Variants in ZNF805 observed in about 807,000 individuals in gnomAD.
The protein encoded by ZNF805 is CTC-444N24.8.
ZNF805 carries 7 observed loss-of-function variants against 13.6 expected under a neutral mutation model. The observed-to-expected ratio is 0.51, with a 90% CI of 0.29 to 0.97. ZNF805 has a LOEUF of 0.97. ZNF805 is among the 50% of genes least tolerant of loss of function. ZNF805 has a pLI of 0.08. For missense variants in ZNF805, 604 were observed against 771.0 expected (o/e 0.78, Z 2.57); for synonymous variants, 293 against 279.8 (o/e 1.05, Z -0.47).
intron 1 of ZNF805, 135 bp downstream of exon 1, chr19:57,241,056 C>A: frequency 1.0e-6 from 1 of 987,612 alleles, no homozygotes; most frequent in Admixed American, 2.3e-5. Context: ...GCAGGCTCGT[C>A]ACTTAGTTTA....
Position 57,240,922 on chromosome 19 carries a change from G to C in ZNF805, c.30+1G>C. On this transcript the variant is annotated splice_donor_variant, in intron 1 of 3. Transcript: ENST00000414468. LOFTEE classifies it high-confidence loss of function. ...GATGGCTTTGACGGACCCGGCGCAG[G>C]TGAGTGGACAAGGTTTCGGCCTTGC... The C allele has an allele frequency of 6.4e-7, 1 of 1,560,054 alleles. No individual in the cohort carries two copies. Among genetic ancestry groups the C allele is most frequent in the South Asian group, 1.2e-5 (1 of 84,508 alleles).
At chr19:57,252,628 T>G (rs2087658531) in intron 3 of ZNF805, among the ~76,000 whole-genome samples, 1 of 152,170 alleles carries the variant, frequency 6.6e-6, no homozygotes, top group African/African-American at 2.4e-5. Context: ...ATCGAGACAT[T>G]GCCCACATTG....
In ZNF805 at chr19:57,253,170, A is replaced by T. The variant is rs367972180; in HGVS notation, c.351A>T (p.Ser117=). 6.0e-5 allele frequency: 94 copies of T among 1,557,304 alleles called. No individual in the cohort carries two copies. Among genetic ancestry groups the T allele is most frequent in the Non-Finnish European group, 7.9e-5 (91 of 1,151,600 alleles). The change falls in exon 4 of 4, where the codon TCA becomes TCT. Residue 117 remains serine (S), a synonymous_variant. Transcript: ENST00000414468. This position sits in a 1 kb window ranked among gnomAD's most constrained non-coding sequence, Gnocchi z 4.4. ...SFWGQLTQGA[S]GDSQLGQPKD... is the part of the protein sequence containing the mutation. ...GGGGACAACTAACACAAGGAGCTTC[A>T]GGGGACTCCCAGTTGGGGCAACCCA...
chr19:57,249,216 G>A (rs2087637084), intron 3 of ZNF805, among the ~76,000 whole-genome samples: 1 of 152,062 alleles, frequency 6.6e-6, no homozygotes, highest in Non-Finnish European at 1.5e-5. Flanking sequence ...AATAAGGAAA[G>A]TCATACCCAC....
rs957197335 is a variant in ZNF805 at position 57,240,642 on chromosome 19, A to T, written c.-250A>T. 6 of 496,494 alleles carry T rather than the reference A, an allele frequency of 1.2e-5. No individual in the cohort carries two copies. The highest frequency in any genetic ancestry group is 2.0e-5 in the African/African-American group (1 of 50,048). The allele number at this position is 496,494 out of a possible 1,614,324, so 30.8% of individuals were successfully genotyped here. A position where few individuals can be genotyped will look rare whatever the true frequency, so the allele number is the denominator to read the frequency against. On this transcript the variant is annotated 5_prime_UTR_variant, in exon 1 of 4. Coordinates refer to ENST00000414468, the MANE Select transcript of ZNF805 (RefSeq NM_001023563.4). Reference sequence around the variant, plus strand: ...TAATTTGGGAGCGACGGTTCCGTCCACGCCGGCTCTAGGGAGGGGGCGGTG... The same window carrying T: ...TAATTTGGGAGCGACGGTTCCGTCCTCGCCGGCTCTAGGGAGGGGGCGGTG...
intron 1 of ZNF805, 43 bp downstream of exon 1, chr19:57,240,964 C>G: frequency 6.5e-7 from 1 of 1,550,252 alleles, no homozygotes; most frequent in Non-Finnish European, 8.7e-7. Context: ...TCTGCTAGTT[C>G]GGGGAAGCCT....
In ZNF805 at chr19:57,262,363, AGT is replaced by A. The variant is rs1491058611; in HGVS notation, c.*7661_*7662del. The A allele has an allele frequency of 6.7e-3, 1,114 of 166,134 alleles. 6 individuals carry two copies. Among genetic ancestry groups the A allele is most frequent in the Admixed American group, 8.6e-3 (131 of 15,180 alleles). 10.3% of individuals were successfully genotyped at this position (166,134 alleles called of 1,614,324 possible). A position where few individuals can be genotyped will look rare whatever the true frequency, so the allele number is the denominator to read the frequency against. The stretch of plus-strand genomic sequence containing the variant: ...CATTGTAACCAAGAAAAAAAAAAAA[AGT>A]CAGAGTCACAGTGAAAATACTTAAC... On this transcript the variant is annotated 3_prime_UTR_variant, in exon 4 of 4. Transcript: ENST00000414468.
rs2087685050 is a variant in ZNF805 at position 57,255,978 on chromosome 19, A to G, written c.*1275A>G. Among the ~76,000 whole-genome samples, 1 of 152,108 alleles carries G rather than the reference A, an allele frequency of 6.6e-6. No individual in the cohort carries two copies. The highest frequency in any genetic ancestry group is 2.4e-5 in the African/African-American group (1 of 41,444). On this transcript the variant is annotated 3_prime_UTR_variant, in exon 4 of 4. Transcript: ENST00000414468. ...AAAGTTGCTTCCAAAGAGTTTCTCTATCGAGTTTAGAAAGTTTCCCTCTAT... is the reference window on the plus strand; with the variant it reads ...AAAGTTGCTTCCAAAGAGTTTCTCTGTCGAGTTTAGAAAGTTTCCCTCTAT...
chr19:57,248,018 C>T (rs1292469882), intron 2 of ZNF805, among the ~76,000 whole-genome samples: 1 of 152,122 alleles, frequency 6.6e-6, no homozygotes, highest in Non-Finnish European at 1.5e-5. Flanking sequence ...ACTAGCCTGG[C>T]CATCATAGTG....
At chr19:57,245,541 A>T (rs541035735) in intron 2 of ZNF805, among the ~76,000 whole-genome samples, 2 of 151,714 alleles carry the variant, frequency 1.3e-5, no homozygotes, top group South Asian at 4.2e-4. Context: ...GCACTTTGGG[A>T]GGCCGAGATG....
At position 57,258,436 on chromosome 19, in the gene ZNF805, G is replaced by GTT. The variant is rs1319009256; in HGVS notation, c.*3733_*3734insTT. ...TGTTGCTTCTTTCTTGGTTTGTTTGGGTTTTTTTTTTTTTGTCTTTAACAT... is the reference window on the plus strand; with the variant it reads ...TGTTGCTTCTTTCTTGGTTTGTTTGGTTGTTTTTTTTTTTTTGTCTTTAACAT... On this transcript the variant is annotated 3_prime_UTR_variant, in exon 4 of 4. Transcript: ENST00000414468. Among the ~76,000 whole-genome samples, 4 of 63,296 alleles carry GTT rather than the reference G, an allele frequency of 6.3e-5. No homozygotes were observed. The highest frequency in any genetic ancestry group is 1.0e-4 in the Non-Finnish European group (3 of 29,886). 41.5% of individuals were successfully genotyped at this position (63,296 alleles called of 152,430 possible).
At position 57,253,366 on chromosome 19, in the gene ZNF805, C is replaced by T; in HGVS notation, c.547C>T (p.His183Tyr). ...TCGAGTCTCCTTAGGAGATGATGTC[C>T]ATGACTGTGACTCACATGGATCAGG... ...QDRVSLGDDVHDCDSHGSGKN... is the reference protein window; with the variant it reads ...QDRVSLGDDVYDCDSHGSGKN... Residue 183 changes from histidine (H) to tyrosine (Y), a missense_variant, in exon 4 of 4, where the codon CAT (histidine) becomes TAT (tyrosine). His to Tyr is a moderately conservative substitution (Grantham distance 83). This residue lies in a region of ZNF805 where 327 missense variants were observed against 378.2 expected (regional missense o/e 0.86). Coordinates refer to ENST00000414468, the MANE Select transcript of ZNF805 (RefSeq NM_001023563.4). This position sits in a 1 kb window ranked among gnomAD's most constrained non-coding sequence, Gnocchi z 4.4. The T allele has an allele frequency of 6.4e-7, 1 of 1,563,434 alleles. No individual in the cohort carries two copies. Among genetic ancestry groups the T allele is most frequent in the Non-Finnish European group, 8.7e-7 (1 of 1,153,402 alleles).
At chr19:57,247,221 G>A (rs1432436769) in intron 2 of ZNF805, among the ~76,000 whole-genome samples, 2 of 152,098 alleles carry the variant, frequency 1.3e-5, no homozygotes, top group African/African-American at 4.8e-5. Context: ...ACAGTAGGAT[G>A]TTCAGTCTTT....
rs899891757 is a variant in ZNF805 at position 57,257,605 on chromosome 19, T to C, written c.*2902T>C. ...TGCTTGCATGATTTACACTTCATCA[T>C]TTTTTTAAACCTTATCTATATCACT... is the stretch of plus-strand genomic sequence containing the variant. On this transcript the variant is annotated 3_prime_UTR_variant, in exon 4 of 4. Coordinates refer to ENST00000414468, the MANE Select transcript of ZNF805 (RefSeq NM_001023563.4). Among the ~76,000 whole-genome samples, 2 of 152,088 alleles carry C rather than the reference T, an allele frequency of 1.3e-5. No homozygotes were observed. Among genetic ancestry groups the C allele is most frequent in the African/African-American group, 4.8e-5 (2 of 41,422 alleles).
chr19:57,260,734 C>T lies in ZNF805; in HGVS notation c.*6031C>T, dbSNP rs995119787. Among the ~76,000 whole-genome samples, 3 of 152,204 alleles carry T rather than the reference C, an allele frequency of 2.0e-5. No homozygotes were observed. The highest frequency in any genetic ancestry group is 7.2e-5 in the African/African-American group (3 of 41,440). On this transcript the variant is annotated 3_prime_UTR_variant, in exon 4 of 4. Coordinates refer to ENST00000414468, the MANE Select transcript of ZNF805 (RefSeq NM_001023563.4). The stretch of plus-strand genomic sequence containing the variant: ...CTACAGTGTTTCCCTAAATCTGTGT[C>T]TCCAGGTTGGATGTTTCTCATGTCG...
At position 57,248,864 on chromosome 19, in the gene ZNF805, C is replaced by T. The variant is rs75991111; in HGVS notation, c.253+164C>T. On this transcript the variant is annotated intron_variant, in intron 3 of 3. Coordinates refer to ENST00000414468, the MANE Select transcript of ZNF805 (RefSeq NM_001023563.4). ...GGTTTCTCCGTCCTCCCAGCCCCATCGCACTTGTCGCCACTCCTGGGGAGG... is the reference window on the plus strand; with the variant it reads ...GGTTTCTCCGTCCTCCCAGCCCCATTGCACTTGTCGCCACTCCTGGGGAGG... Among the ~76,000 whole-genome samples, 6 of 152,292 alleles carry T rather than the reference C, an allele frequency of 3.9e-5. No homozygotes were observed. The East Asian group carries it at 7.7e-4, about 20-fold the overall frequency.
intron 2 of ZNF805, among the ~76,000 whole-genome samples, chr19:57,247,951 A>C (rs1461184370): frequency 1.3e-5 from 2 of 152,222 alleles, no homozygotes; most frequent in Non-Finnish European, 1.5e-5. Context: ...TCACGCCTGT[A>C]ATCCTAGCAC....
chr19:57,256,842 C>G lies in ZNF805; in HGVS notation c.*2139C>G, dbSNP rs1193781265. Among the ~76,000 whole-genome samples the G allele has an allele frequency of 6.6e-6, 1 of 152,062 alleles. No individual in the cohort carries two copies. The highest frequency in any genetic ancestry group is 1.5e-5 in the Non-Finnish European group (1 of 67,984). ...TATTGTATCCTTTCTCCTACTTGCT[C>G]TGGTTGTATTTGACTCAGTGGTTTC... On this transcript the variant is annotated 3_prime_UTR_variant, in exon 4 of 4. Transcript: ENST00000414468.
At chr19:57,243,877 G>A in intron 1 of ZNF805, 46 bp from the exon 2 acceptor site, 1 of 1,613,728 alleles carries the variant, frequency 6.2e-7, no homozygotes, top group Non-Finnish European at 8.5e-7. Context: ...CAAAGCACAT[G>A]CAATAGTCCC....
Sources: gnomAD v4.1 joint callset for allele counts (sites outside exome capture counted in the v4.1 genomes callset) on GRCh38, gnomAD v4.1.1 for gene constraint, gnomAD v4.1.1 regional missense constraint, Gnocchi (gnomAD v3.1) non-coding constraint, MANE v1.5 for transcripts, NCBI Gene and HGNC (gene_info 2026-07-23, HGNC 2026-07-21) for gene names.